The following KCNIP4 variants were observed in gnomAD, a reference collection of about 807,000 sequenced individuals.
KCNIP4 encodes potassium voltage-gated channel interacting protein 4.
KCNIP4 carries 12 observed loss-of-function variants against 34.0 expected under a neutral mutation model. The observed-to-expected ratio is 0.35, with a 90% CI of 0.23 to 0.57. The LOEUF is 0.57. Ranked by LOEUF, KCNIP4 falls within the 20% of genes least tolerant of loss-of-function variation. The pLI is 0.83. For missense variants in KCNIP4, 238 were observed against 311.7 expected, an observed-to-expected ratio of 0.76 and a Z score of 1.78; for synonymous variants, 124 against 102.2, an observed-to-expected ratio of 1.21 and a Z score of -1.29.
rs148623728 is a variant in KCNIP4 at position 21,362,773 on chromosome 4, T to C, written c.62-480064A>G. ...GAAATGGAAGAAATATTCTTGTATA[T>C]TGTTTAACTGAAGGATGAAATTAAA... is the stretch of plus-strand genomic sequence containing the variant. On this transcript the variant is annotated intron_variant, in intron 1 of 8. Coordinates refer to ENST00000382152, the MANE Select transcript of KCNIP4 (RefSeq NM_025221.6). Among the ~76,000 whole-genome samples, 20 of 152,228 alleles carry C rather than the reference T, an allele frequency of 1.3e-4. No homozygotes were observed. The East Asian group carries it at 3.3e-3, about 25-fold the overall frequency.
At chr4:21,438,390 T>C (rs1307588156) in intron 1 of KCNIP4, among the ~76,000 whole-genome samples, 1 of 152,214 alleles carries the variant, frequency 6.6e-6, no homozygotes, top group East Asian at 1.9e-4. Flanking sequence ...CTTAAGCCAA[T>C]ACAGTGAATT....
intron 1 of KCNIP4, among the ~76,000 whole-genome samples, chr4:21,625,724 C>T (rs1270401954): frequency 6.6e-6 from 1 of 152,106 alleles, no homozygotes; most frequent in East Asian, 1.9e-4. Context: ...GTACTTAAAG[C>T]AAAGCTCTCA....
At chr4:21,895,071 C>T (rs1288935360) in intron 1 of KCNIP4, among the ~76,000 whole-genome samples, 1 of 152,168 alleles carries the variant, frequency 6.6e-6, no homozygotes, top group Non-Finnish European at 1.5e-5. Context: ...GGACTGCTGC[C>T]TTACATTTCT....
At chr4:21,659,734 C>A (rs1347911433) in intron 1 of KCNIP4, among the ~76,000 whole-genome samples, 1 of 152,096 alleles carries the variant, frequency 6.6e-6, no homozygotes, top group Non-Finnish European at 1.5e-5. Context: ...AATATGCTTA[C>A]TTTAACAGAA....
chr4:20,963,531 T>C (rs188123955), intron 1 of KCNIP4, among the ~76,000 whole-genome samples: 1 of 152,072 alleles, frequency 6.6e-6, no homozygotes, highest in Admixed American at 6.5e-5. Flanking sequence ...CTACATGCTC[T>C]TAGGAAAGGT....
At chr4:21,246,463 T>C (rs916153720) in intron 1 of KCNIP4, among the ~76,000 whole-genome samples, 3 of 152,218 alleles carry the variant, frequency 2.0e-5, no homozygotes, top group African/African-American at 7.2e-5. Flanking sequence ...TGCAAAATAC[T>C]TATGTGTGCT....
intron 3 of KCNIP4, among the ~76,000 whole-genome samples, chr4:20,766,367 A>G (rs1755413042): frequency 6.6e-6 from 1 of 152,158 alleles, no homozygotes; most frequent in African/African-American, 2.4e-5. Flanking sequence ...TCAGTTCGAG[A>G]CCAGCTTGGA....
At chr4:20,931,092 G>A (rs1050216443) in intron 1 of KCNIP4, among the ~76,000 whole-genome samples, 1 of 151,776 alleles carries the variant, frequency 6.6e-6, no homozygotes, top group Admixed American at 6.6e-5. Flanking sequence ...GCACTCCCAT[G>A]CTCATTGCAT....
At chr4:21,761,673 T>C (rs1718065003) in intron 1 of KCNIP4, among the ~76,000 whole-genome samples, 1 of 152,048 alleles carries the variant, frequency 6.6e-6, no homozygotes, top group African/African-American at 2.4e-5. Flanking sequence ...ACCACAATAT[T>C]AAAAGTGTTT....
intron 1 of KCNIP4, among the ~76,000 whole-genome samples, chr4:21,407,426 C>T (rs184333350): frequency 1.3e-5 from 2 of 152,210 alleles, no homozygotes; most frequent in Admixed American, 6.5e-5. Flanking sequence ...TCCAAGGGAA[C>T]GTAAGTGCCA....
rs530007422 is a variant in KCNIP4, at chr4:21,039,981, A to G, written c.62-157272T>C. Among the ~76,000 whole-genome samples the G allele has an allele frequency of 5.3e-5, 8 of 152,302 alleles. No homozygotes were observed. In the South Asian group the frequency reaches 1.7e-3, roughly 32 times the overall value. On this transcript the variant is annotated intron_variant, in intron 1 of 8. Coordinates refer to ENST00000382152, the MANE Select transcript of KCNIP4 (RefSeq NM_025221.6). Reference sequence around the variant, plus strand: ...TCAGGAAACTTACAATCAAGGTGGAAGGGGAAGAGCTATGTCTTACATGGC... The same window carrying G: ...TCAGGAAACTTACAATCAAGGTGGAGGGGGAAGAGCTATGTCTTACATGGC...
chr4:21,866,824 C>T (rs1047772929), intron 1 of KCNIP4, among the ~76,000 whole-genome samples: 1 of 121,454 alleles, frequency 8.2e-6, no homozygotes, highest in African/African-American at 3.0e-5. Flanking sequence ...GGCTGGAGTG[C>T]ACTGGTGCTA....
intron 1 of KCNIP4, among the ~76,000 whole-genome samples, chr4:21,091,967 A>G (rs55752311): frequency 0.17 from 25,576 of 152,124 alleles, 2,233 homozygotes; most frequent in East Asian, 0.24. Context: ...TTATACTGAC[A>G]AGGAAACCAA....
intron 1 of KCNIP4, among the ~76,000 whole-genome samples, chr4:21,491,745 G>C (rs1482960690): frequency 1.3e-5 from 2 of 152,096 alleles, no homozygotes; most frequent in Non-Finnish European, 2.9e-5. Context: ...TACATTTTAA[G>C]GTTTGTTTGT....
In KCNIP4 at chr4:21,900,836, T is replaced by C. The variant is rs115801810; in HGVS notation, c.61+47735A>G. Among the ~76,000 whole-genome samples, 915 of 152,308 alleles carry C rather than the reference T, an allele frequency of 6.0e-3. 11 individuals are homozygous for C. Among genetic ancestry groups the C allele is most frequent in the African/African-American group, 0.021 (860 of 41,572 alleles). ...TCAGATTCAGATCCACTTCAAAATA[T>C]ACTGAGTTTTCTGTGCATAAATGTC... On this transcript the variant is annotated intron_variant, in intron 1 of 8. Coordinates refer to ENST00000382152, the MANE Select transcript of KCNIP4 (RefSeq NM_025221.6).
At chr4:21,252,714 G>C (rs375874530) in intron 1 of KCNIP4, among the ~76,000 whole-genome samples, 87 of 150,348 alleles carry the variant, frequency 5.8e-4, no homozygotes, top group African/African-American at 2.0e-3. Context: ...GAGGTTGATG[G>C]TACTAAATTA....
chr4:21,140,181 C>A (rs142733131), intron 1 of KCNIP4, among the ~76,000 whole-genome samples: 1 of 152,088 alleles, frequency 6.6e-6, no homozygotes, highest in Non-Finnish European at 1.5e-5. Flanking sequence ...CGTCAGGCTG[C>A]TTGGCTTTGA....
At chr4:20,866,109 A>G (rs1416125284) in intron 2 of KCNIP4, among the ~76,000 whole-genome samples, 1 of 152,010 alleles carries the variant, frequency 6.6e-6, no homozygotes, top group Non-Finnish European at 1.5e-5. Context: ...TCCTACTAAA[A>G]CTATTCCAAA....
chr4:21,352,991 T>C (rs531647475), intron 1 of KCNIP4, among the ~76,000 whole-genome samples: 1 of 152,294 alleles, frequency 6.6e-6, no homozygotes, highest in African/African-American at 2.4e-5. Context: ...CCTCTGGTGA[T>C]ACCCAGGCAA....
Sources: gnomAD v4.1 joint callset for allele counts (sites outside exome capture counted in the v4.1 genomes callset) on GRCh38, gnomAD v4.1.1 for gene constraint, MANE v1.5 for transcripts, NCBI Gene and HGNC (gene_info 2026-07-23, HGNC 2026-07-21) for gene names.